Variants in VPS13C observed in about 807,000 individuals in gnomAD.
VPS13C encodes intermembrane lipid transfer protein VPS13C.
A neutral mutation model predicts 456.8 loss-of-function variants in VPS13C; 358 were observed. That is an observed-to-expected ratio of 0.78 (90% CI 0.72 to 0.86). The LOEUF is 0.86. Ranked by LOEUF, VPS13C falls within the 40% of genes least tolerant of loss-of-function variation. VPS13C has a pLI of 0.00. For missense variants in VPS13C, 4,818 were observed against 4,385.4 expected, an observed-to-expected ratio of 1.10 and a Z score of -2.79; for synonymous variants, 1,578 against 1,486.7, an observed-to-expected ratio of 1.06 and a Z score of -1.41.
In VPS13C at chr15:61,868,790, A is replaced by G; in HGVS notation, c.10749-17T>C. On this transcript the variant is annotated splice_polypyrimidine_tract_variant and intron_variant, in intron 80 of 84. Transcript: ENST00000644861. ...TCTGCTGCCCTGAATAAGGCATCAG[A>G]GTAAGTGTAAGAAAATACGTGAGAG... is the stretch of plus-strand genomic sequence containing the variant. 6.3e-7 allele frequency: 1 copy of G among 1,593,570 alleles called. No homozygotes were observed. The highest frequency in any genetic ancestry group is 8.6e-7 in the Non-Finnish European group (1 of 1,166,928).
At chr15:61,973,652 C>T (rs2045621622) in intron 25 of VPS13C, 120 bp from the exon 26 acceptor site, 1 of 637,630 alleles carries the variant, frequency 1.6e-6, no homozygotes, top group Non-Finnish European at 2.8e-6. Context: ...CACATACACA[C>T]AATATAACAC....
In VPS13C at chr15:61,910,345, C is replaced by T. The variant is rs373962550; in HGVS notation, c.8716-40G>A. On this transcript the variant is annotated intron_variant, in intron 63 of 84. Coordinates refer to ENST00000644861, the MANE Select transcript of VPS13C (RefSeq NM_020821.3). ...GTTATTATCAGTCTTAAGACAATAC[C>T]GTTATATAATAAATAAGACATTACC... The T allele has an allele frequency of 1.4e-4, 185 of 1,348,718 alleles. 2 individuals carry two copies. The African/African-American group carries it at 1.4e-3, about 10-fold the overall frequency. The allele number at this position is 1,348,718 out of a possible 1,614,324, so 83.5% of individuals were successfully genotyped here. A position where few individuals can be genotyped will look rare whatever the true frequency, so the allele number is the denominator to read the frequency against.
At chr15:62,008,188 G>T (rs567258358) in intron 14 of VPS13C, among the ~76,000 whole-genome samples, 3 of 151,928 alleles carry the variant, frequency 2.0e-5, no homozygotes, top group Admixed American at 2.0e-4. Context: ...CCAAGATCGC[G>T]TCACCGCACC....
intron 66 of VPS13C, among the ~76,000 whole-genome samples, chr15:61,890,798 G>C (rs552188198): frequency 1.3e-5 from 2 of 152,266 alleles, no homozygotes; most frequent in East Asian, 1.9e-4. Context: ...TATAATCCCA[G>C]CACTTTTGGA....
At chr15:61,940,435 T>C (rs79986513) in intron 47 of VPS13C, among the ~76,000 whole-genome samples, 1 of 152,248 alleles carries the variant, frequency 6.6e-6, no homozygotes, top group Non-Finnish European at 1.5e-5. Context: ...TTTATTTTTG[T>C]TGTTTTTAAA....
rs3809517 is a variant in VPS13C at position 61,880,786 on chromosome 15, G to A, written c.9888+57C>T. The A allele has an allele frequency of 0.54, 833,345 of 1,545,808 alleles. 227,218 individuals are homozygous for A. The highest frequency in any genetic ancestry group is 0.66 in the Admixed American group (31,301 of 47,538). On this transcript the variant is annotated intron_variant, in intron 72 of 84. Transcript: ENST00000644861. ...TTTCTCTATTAGAATTCGTTCAAAA[G>A]AGGCTGATTTAAATTTTGTTAATTT...
intron 66 of VPS13C, among the ~76,000 whole-genome samples, chr15:61,891,033 G>A (rs1037651551): frequency 6.6e-6 from 1 of 152,034 alleles, no homozygotes; most frequent in Non-Finnish European, 1.5e-5. Context: ...GGCAACAAGA[G>A]CAACACTCCA....
chr15:61,878,595 C>G lies in VPS13C; in HGVS notation c.10142+12G>C. On this transcript the variant is annotated intron_variant, in intron 74 of 84. Transcript: ENST00000644861. The stretch of plus-strand genomic sequence containing the variant: ...ACACCTGCTTCTCAATGTACTCTAA[C>G]AGAAGTCTTACTTGAATATAAGGTC... 1 of 1,605,818 alleles carries G rather than the reference C, an allele frequency of 6.2e-7. No homozygotes were observed. Among genetic ancestry groups the G allele is most frequent in the Middle Eastern group, 1.7e-4 (1 of 6,036 alleles).
chr15:61,991,076 G>C lies in VPS13C; in HGVS notation c.1502C>G (p.Thr501Ser), dbSNP rs140027316. The C allele has an allele frequency of 6.0e-5, 97 of 1,608,936 alleles. No individual in the cohort carries two copies. The African/African-American group carries it at 1.2e-3, about 20-fold the overall frequency. Residue 501 changes from threonine (T) to serine (S), a missense_variant, in exon 18 of 85, where the codon ACT (threonine) becomes AGT (serine). Transcript: ENST00000644861. The part of the protein sequence containing the change: ...LIPETIDDLM[T>S]PEEKDKLFTA... Reference sequence around the variant, plus strand: ...GAAGAGTTTATCTTTTTCCTCTGGAGTCATAAGGTCATCAATAGCTATGAA... The same window carrying C: ...GAAGAGTTTATCTTTTTCCTCTGGACTCATAAGGTCATCAATAGCTATGAA...
At position 61,911,835 on chromosome 15, in the gene VPS13C, G is replaced by A; in HGVS notation, c.8715+5C>T. ...GGAATCAGTTGTAACAAAGAAAAAT[G>A]CTACCTCTGAAGAAGCAATATAGTT... is the stretch of plus-strand genomic sequence containing the variant. On this transcript the variant is annotated splice_donor_5th_base_variant and intron_variant, in intron 63 of 84. Coordinates refer to ENST00000644861, the MANE Select transcript of VPS13C (RefSeq NM_020821.3). 1 of 1,583,652 alleles carries A rather than the reference G, an allele frequency of 6.3e-7. No homozygotes were observed. Among genetic ancestry groups the A allele is most frequent in the Non-Finnish European group, 8.6e-7 (1 of 1,164,920 alleles).
intron 81 of VPS13C, 106 bp from the exon 82 acceptor site, chr15:61,863,634 T>A (rs1260313775): frequency 3.0e-6 from 2 of 662,520 alleles, no homozygotes; most frequent in East Asian, 3.1e-5. Flanking sequence ...AAAAATTAAT[T>A]AGAAATAAAA....
intron 80 of VPS13C, among the ~76,000 whole-genome samples, 161 bp downstream of exon 80, chr15:61,869,339 T>C (rs1201709362): frequency 1.3e-5 from 2 of 152,100 alleles, no homozygotes; most frequent in Admixed American, 6.6e-5. Context: ...ATATGTCTTT[T>C]CTTATTCCTT....
At chr15:62,014,045 C>A (rs117929248) in intron 9 of VPS13C, 53 bp from the exon 10 acceptor site, 3 of 1,322,702 alleles carry the variant, frequency 2.3e-6, no homozygotes, top group South Asian at 1.3e-5. Context: ...TCATTAATAG[C>A]GCTCTAATAC....
intron 16 of VPS13C, among the ~76,000 whole-genome samples, chr15:61,993,396 A>G (rs1298292879): frequency 6.6e-6 from 1 of 151,482 alleles, no homozygotes; most frequent in Non-Finnish European, 1.5e-5. Context: ...TTTATTTTGG[A>G]AAAAAAAATT....
At position 61,867,831 on chromosome 15, in the gene VPS13C, T is replaced by G. The variant is rs1037398736; in HGVS notation, c.10863+828A>C. 6 of 1,539,262 alleles carry G rather than the reference T, an allele frequency of 3.9e-6. No homozygotes were observed. The African/African-American group carries it at 8.3e-5, about 21-fold the overall frequency. On this transcript the variant is annotated intron_variant, in intron 81 of 84. Transcript: ENST00000644861. The surrounding 1 kb of genome is among the most constrained non-coding windows in gnomAD (Gnocchi z 5.0). ...GGTGAGAGTTTTAAAGAAAATTTCA[T>G]TAAAATTGACAATGGAATTCACACA...
At chr15:61,977,380 C>T (rs2045735807) in intron 23 of VPS13C, among the ~76,000 whole-genome samples, 181 bp from the exon 24 acceptor site, 2 of 151,866 alleles carry the variant, frequency 1.3e-5, no homozygotes, top group South Asian at 2.1e-4. Context: ...AGTTAAATAA[C>T]CTATGCTTTT....
chr15:62,054,591 G>A (rs12917339), intron 1 of VPS13C, among the ~76,000 whole-genome samples: 9,230 of 152,152 alleles, frequency 0.061, 347 homozygotes, highest in Non-Finnish European at 0.084. Context: ...GGCAAGGGGA[G>A]GGAGAGTATT....
intron 16 of VPS13C, 37 bp downstream of exon 16, chr15:62,000,527 T>G (rs1221933127): frequency 1.3e-6 from 2 of 1,578,044 alleles, no homozygotes; most frequent in Non-Finnish European, 1.7e-6. Context: ...GGCATTAACA[T>G]GTTTAAAACA....
In VPS13C at chr15:61,890,379, A is replaced by G; in HGVS notation, c.9127T>C (p.Tyr3043His). The G allele has an allele frequency of 6.2e-7, 1 of 1,614,100 alleles. No homozygotes were observed. The highest frequency in any genetic ancestry group is 8.5e-7 in the Non-Finnish European group (1 of 1,180,008). Residue 3043 changes from tyrosine (Y) to histidine (H), a missense_variant, in exon 67 of 85, where the codon TAT (tyrosine) becomes CAT (histidine). Tyr to His is a moderately conservative substitution (Grantham distance 83). This residue lies in a region of VPS13C where 4,552 missense variants were observed against 4,130.6 expected (regional missense o/e 1.10). Coordinates refer to ENST00000644861, the MANE Select transcript of VPS13C (RefSeq NM_020821.3). ...LLKDGCGQFP[Y>H]DANIQIHWVS... Reference sequence around the variant, plus strand: ...CAGTGTATCTGGATGTTTGCATCATATGGAAACTGTCCACATCCATCCTGG... The same window carrying G: ...CAGTGTATCTGGATGTTTGCATCATGTGGAAACTGTCCACATCCATCCTGG...
Sources: gnomAD v4.1 joint callset for allele counts (sites outside exome capture counted in the v4.1 genomes callset) on GRCh38, gnomAD v4.1.1 for gene constraint, gnomAD v4.1.1 regional missense constraint, Gnocchi (gnomAD v3.1) non-coding constraint, MANE v1.5 for transcripts, NCBI Gene and HGNC (gene_info 2026-07-23, HGNC 2026-07-21) for gene names.